The following GLIS3 variants were observed in gnomAD, a reference collection of about 807,000 sequenced individuals.
The protein encoded by GLIS3 is zinc finger protein GLIS3.
Under a neutral mutation model 78.6 loss-of-function variants are expected in GLIS3, and 53 were observed. The observed-to-expected ratio is 0.67, with a 90% CI of 0.54 to 0.85. The LOEUF (loss-of-function observed/expected upper bound fraction) is 0.85, where lower values mean the gene tolerates loss of function less well. Ranked by LOEUF, GLIS3 falls within the 40% of genes least tolerant of loss-of-function variation. The probability of loss-of-function intolerance (pLI) is 0.00; values close to 1 mark genes in which losing one functional copy is unlikely to be tolerated. For missense variants in GLIS3, 1,703 were observed against 1,231.1 expected, an observed-to-expected ratio of 1.38 and a Z score of -5.74; for synonymous variants, 684 against 509.9, an observed-to-expected ratio of 1.34 and a Z score of -4.60.
intron 4 of GLIS3, among the ~76,000 whole-genome samples, chr9:3,943,498 T>A (rs1189660079): frequency 6.6e-6 from 1 of 152,340 alleles, no homozygotes; most frequent in African/African-American, 2.4e-5. Flanking sequence ...AAAGGTAATA[T>A]CTGATTTTAT....
chr9:4,322,523 G>A (rs1272577622), intron 2 of GLIS3, among the ~76,000 whole-genome samples: 1 of 152,172 alleles, frequency 6.6e-6, no homozygotes, highest in Non-Finnish European at 1.5e-5. Flanking sequence ...CACCAATAGT[G>A]TAAAAGTCTT....
At chr9:4,155,412 C>A (rs1437978447) in intron 2 of GLIS3, among the ~76,000 whole-genome samples, 1 of 152,214 alleles carries the variant, frequency 6.6e-6, no homozygotes, top group African/African-American at 2.4e-5. Flanking sequence ...CGTGACCTGG[C>A]CGTGGCGTAG....
the GLIS3 span, among the ~76,000 whole-genome samples, chr9:4,449,986 G>T: frequency 3.3e-5 from 5 of 152,208 alleles, no homozygotes; most frequent in African/African-American, 1.2e-4. Context: ...AAAGCTGGAG[G>T]GGGAATGACT....
chr9:4,202,139 T>TC (rs1491226184), intron 2 of GLIS3, among the ~76,000 whole-genome samples: 70 of 137,596 alleles, frequency 5.1e-4, no homozygotes, highest in Non-Finnish European at 8.3e-4. Context: ...CTCTTTTTTT[T>TC]CTCCCCCTTT....
chr9:4,326,202 C>T (rs1011116153), intron 2 of GLIS3, among the ~76,000 whole-genome samples: 2 of 152,054 alleles, frequency 1.3e-5, no homozygotes, highest in African/African-American at 4.8e-5. Context: ...TACCCGGGAA[C>T]TTAAAATAAA....
intron 4 of GLIS3, among the ~76,000 whole-genome samples, chr9:3,951,889 C>G (rs560927904): frequency 6.6e-6 from 1 of 151,478 alleles, no homozygotes; most frequent in Non-Finnish European, 1.5e-5. Flanking sequence ...CACACACGCA[C>G]GCACACACCC....
At chr9:4,471,608 A>G in the GLIS3 span, among the ~76,000 whole-genome samples, 10 of 152,242 alleles carry the variant, frequency 6.6e-5, no homozygotes, top group African/African-American at 2.2e-4. Flanking sequence ...AATTAATTCA[A>G]GATGGATTAA....
intron 8 of GLIS3, among the ~76,000 whole-genome samples, chr9:3,857,788 AAC>A: frequency 6.6e-6 from 1 of 152,320 alleles, no homozygotes; most frequent in Non-Finnish European, 1.5e-5. Context: ...CTTGAGAGAA[AAC>A]ACAGCAAACA....
intron 4 of GLIS3, among the ~76,000 whole-genome samples, chr9:4,069,100 G>A (rs1827367077): frequency 6.6e-6 from 1 of 152,172 alleles, no homozygotes; most frequent in South Asian, 2.1e-4. Flanking sequence ...ACAGTTTTAT[G>A]AAGCCTTGAG....
chr9:4,444,889 A>T, the GLIS3 span, among the ~76,000 whole-genome samples: 1 of 152,228 alleles, frequency 6.6e-6, no homozygotes, highest in Non-Finnish European at 1.5e-5. Flanking sequence ...ATAGGGGCTC[A>T]GTTTAGCTCC....
the GLIS3 span, among the ~76,000 whole-genome samples, chr9:4,393,564 C>T: frequency 6.6e-6 from 1 of 152,058 alleles, no homozygotes. Flanking sequence ...TTTGTTAGTC[C>T]CCTTTAGTCT....
upstream of GLIS3, among the ~76,000 whole-genome samples, chr9:4,303,931 G>A (rs1335719418): frequency 1.3e-5 from 2 of 152,164 alleles, no homozygotes; most frequent in African/African-American, 2.4e-5. Context: ...ATGTGATGTT[G>A]TAAAATTAAT....
chr9:4,095,412 G>C (rs1829860473), intron 4 of GLIS3, among the ~76,000 whole-genome samples: 1 of 152,184 alleles, frequency 6.6e-6, no homozygotes, highest in Non-Finnish European at 1.5e-5. Flanking sequence ...GCCTTCACTA[G>C]TAAGTAGATA....
intron 7 of GLIS3, among the ~76,000 whole-genome samples, chr9:3,884,263 TG>T (rs1821924952): frequency 6.6e-6 from 1 of 152,024 alleles, no homozygotes; most frequent in Non-Finnish European, 1.5e-5. Context: ...AGGCCAAGAG[TG>T]TTAGTAGCAT....
At chr9:3,944,695 G>A (rs1236138443) in intron 4 of GLIS3, among the ~76,000 whole-genome samples, 2 of 152,182 alleles carry the variant, frequency 1.3e-5, no homozygotes, top group African/African-American at 2.4e-5. Flanking sequence ...CGCCAGTAGA[G>A]CAAATATGTT....
At chr9:3,902,063 G>T (rs1303539783) in intron 6 of GLIS3, among the ~76,000 whole-genome samples, 1 of 152,148 alleles carries the variant, frequency 6.6e-6, no homozygotes, top group East Asian at 1.9e-4. Context: ...GAATTTCACG[G>T]CTAGGGTTAC....
chr9:3,947,961 G>A (rs1816412030), intron 4 of GLIS3, among the ~76,000 whole-genome samples: 1 of 152,086 alleles, frequency 6.6e-6, no homozygotes. Context: ...TCTGTGACTG[G>A]CTGCCTAAAA....
the GLIS3 span, among the ~76,000 whole-genome samples, chr9:4,479,036 C>T: frequency 0.55 from 83,602 of 152,032 alleles, 24,223 homozygotes; most frequent in Middle Eastern, 0.67. Flanking sequence ...GTAAGACAAA[C>T]GACCAAGTAC....
intron 3 of GLIS3, among the ~76,000 whole-genome samples, chr9:4,121,701 G>A (rs1405988987): frequency 2.0e-5 from 3 of 151,576 alleles, no homozygotes; most frequent in Admixed American, 2.0e-4. Context: ...AGCTGTGCTT[G>A]ATAGGCAGTG....
Sources: allele counts gnomAD v4.1 joint callset (sites outside exome capture counted in the v4.1 genomes callset), GRCh38; gene constraint gnomAD v4.1.1; transcripts MANE v1.5; gene names NCBI Gene and HGNC (gene_info 2026-07-23, HGNC 2026-07-21).